Variants in FSIP1 observed in about 807,000 individuals in gnomAD.
The protein encoded by FSIP1 is fibrous sheath interacting protein 1, also known as fibrous sheath-interacting protein 1.
FSIP1 carries 65 observed loss-of-function variants against 60.9 expected under a neutral mutation model. The observed-to-expected ratio is 1.07, with a 90% confidence interval of 0.87 to 1.31. The LOEUF (loss-of-function observed/expected upper bound fraction) is 1.31, where lower values mean the gene tolerates loss of function less well. FSIP1 is among the 40% of genes most tolerant of loss of function. The pLI, the probability that FSIP1 is intolerant of heterozygous loss-of-function variation, is 0.00. For synonymous variants in FSIP1, 209 were observed against 221.2 expected (o/e 0.94, Z 0.49); for missense variants, 675 against 665.5 (o/e 1.01, Z -0.16).
chr15:39,774,312 A>G (rs980882821), intron 2 of FSIP1, among the ~76,000 whole-genome samples: 6 of 152,136 alleles, frequency 3.9e-5, no homozygotes, highest in Admixed American at 1.3e-4. Context: ...GTGAAACCCC[A>G]TATCTACTAA....
chr15:39,701,367 G>A (rs1344248889), intron 10 of FSIP1, among the ~76,000 whole-genome samples: 1 of 152,150 alleles, frequency 6.6e-6, no homozygotes, highest in Non-Finnish European at 1.5e-5. Flanking sequence ...TGCACATGTA[G>A]GTTGTGTGTG....
intron 5 of FSIP1, among the ~76,000 whole-genome samples, chr15:39,761,445 T>C (rs935813747): frequency 1.3e-5 from 2 of 152,198 alleles, no homozygotes; most frequent in East Asian, 1.9e-4. Context: ...TTAGAGGACA[T>C]TATGCCAAGC....
Position 39,713,431 on chromosome 15 carries a change from CA to C in FSIP1, c.1188+12del. 1 of 1,580,258 alleles carries C rather than the reference CA, an allele frequency of 6.3e-7. No homozygotes were observed. The highest frequency in any genetic ancestry group is 1.2e-5 in the South Asian group (1 of 84,694). Reference sequence around the variant, plus strand: ...TTTTCTTAAAAAAAATTAATTAAAACAAAAAGACTTACCACATTTTCCTTCA... The same window carrying C: ...TTTTCTTAAAAAAAATTAATTAAAACAAAAGACTTACCACATTTTCCTTCA... On this transcript the variant is annotated intron_variant, in intron 10 of 11. Transcript: ENST00000350221.
intron 10 of FSIP1, among the ~76,000 whole-genome samples, chr15:39,669,931 CT>C (rs1309920839): frequency 3.9e-5 from 6 of 152,210 alleles, no homozygotes; most frequent in African/African-American, 1.4e-4. Flanking sequence ...TAATTTAGTT[CT>C]CATATCAGAG....
rs774863237 is a variant in FSIP1 at position 39,726,600 on chromosome 15, G to A, written c.1039C>T (p.Arg347Trp). 26 of 1,613,954 alleles carry A rather than the reference G, an allele frequency of 1.6e-5. 1 individual carries two copies. Among genetic ancestry groups the A allele is most frequent in the African/African-American group, 4.0e-5 (3 of 75,004 alleles). Residue 347 changes from arginine to tryptophan, a missense_variant, in exon 9 of 12, where the codon CGG (arginine) becomes TGG (tryptophan). Physicochemically the swap from Arg to Trp is moderately radical, Grantham distance 101. Transcript: ENST00000350221. Reference protein sequence around the residue: ...ISSFSPRLENRNNQKPDRDGE... With the variant: ...ISSFSPRLENWNNQKPDRDGE... ...GGTTCTTCAAATACCTGATTATTCCGATTTTCAAGTCTTGGAGAAAAACTG... is the reference window on the plus strand; with the variant it reads ...GGTTCTTCAAATACCTGATTATTCCAATTTTCAAGTCTTGGAGAAAAACTG...
At position 39,610,303 on chromosome 15, in the gene FSIP1, C is replaced by T. The variant is rs117482369; in HGVS notation, c.1699+7432G>A. Among the ~76,000 whole-genome samples, 713 of 152,218 alleles carry T rather than the reference C, an allele frequency of 4.7e-3. 6 individuals carry two copies. The highest frequency in any genetic ancestry group is 0.01 in the Middle Eastern group (3 of 294). ...TCCAAAATTTGTGGAAATATGACAACATCCAGGTATAGAAAGCTCAGAGAT... is the reference window on the plus strand; with the variant it reads ...TCCAAAATTTGTGGAAATATGACAATATCCAGGTATAGAAAGCTCAGAGAT... On this transcript the variant is annotated intron_variant, in intron 11 of 11. Transcript: ENST00000350221.
chr15:39,775,635 T>C (rs1306473574), intron 2 of FSIP1, among the ~76,000 whole-genome samples: 2 of 152,200 alleles, frequency 1.3e-5, no homozygotes, highest in Non-Finnish European at 2.9e-5. Flanking sequence ...GGTAGGTGAC[T>C]GAATCATTGC....
Position 39,665,439 on chromosome 15 carries a change from C to T in FSIP1, c.1189-47194G>A, listed in dbSNP as rs146451231. On this transcript the variant is annotated intron_variant, in intron 10 of 11. Coordinates refer to ENST00000350221, the MANE Select transcript of FSIP1 (RefSeq NM_152597.5). ...GATAAAATACCTATTTAATAAATAA[C>T]AAAATATTACTTTTCTTTACTTGCA... 9.3e-3 allele frequency among the ~76,000 whole-genome samples: 1,411 copies of T among 152,196 alleles called. 28 individuals carry two copies. The highest frequency in any genetic ancestry group is 0.033 in the African/African-American group (1,358 of 41,524).
chr15:39,741,924 T>C (rs1896817714), intron 5 of FSIP1, 24 bp from the exon 6 acceptor site: 2 of 1,231,050 alleles, frequency 1.6e-6, no homozygotes, highest in African/African-American at 3.0e-5. Context: ...AAATCACTTG[T>C]TCAATGCTCA....
At chr15:39,698,267 A>G (rs528733171) in intron 10 of FSIP1, among the ~76,000 whole-genome samples, 4 of 151,548 alleles carry the variant, frequency 2.6e-5, no homozygotes, top group African/African-American at 9.7e-5. Context: ...TAGTGAGTTA[A>G]ATATAATTTC....
intron 10 of FSIP1, among the ~76,000 whole-genome samples, chr15:39,672,561 A>T (rs1196399454): frequency 6.6e-6 from 1 of 152,244 alleles, no homozygotes; most frequent in Non-Finnish European, 1.5e-5. Context: ...GGAAAATCAG[A>T]TCAGTGGCTT....
intron 10 of FSIP1, among the ~76,000 whole-genome samples, chr15:39,670,017 T>G (rs956520659): frequency 6.6e-6 from 1 of 152,198 alleles, no homozygotes; most frequent in Non-Finnish European, 1.5e-5. Context: ...TTTCTCTGCT[T>G]GCTTATAGCC....
At chr15:39,623,241 T>C (rs1316832698) in intron 10 of FSIP1, among the ~76,000 whole-genome samples, 1 of 152,206 alleles carries the variant, frequency 6.6e-6, no homozygotes, top group Non-Finnish European at 1.5e-5. Flanking sequence ...TCCAGTTAAT[T>C]GGGCAATGGA....
chr15:39,730,251 AG>A (rs2140607931), intron 8 of FSIP1, among the ~76,000 whole-genome samples: 1 of 152,272 alleles, frequency 6.6e-6, no homozygotes, highest in African/African-American at 2.4e-5. Context: ...ACATCCCCCT[AG>A]GATATCCACA....
chr15:39,692,107 C>G (rs1403855927), intron 10 of FSIP1, among the ~76,000 whole-genome samples: 1 of 151,992 alleles, frequency 6.6e-6, no homozygotes, highest in African/African-American at 2.4e-5. Context: ...TTATTAGGTG[C>G]TTTGTAATGT....
At chr15:39,700,467 A>G (rs1396106796) in intron 10 of FSIP1, among the ~76,000 whole-genome samples, 1 of 152,216 alleles carries the variant, frequency 6.6e-6, no homozygotes, top group Non-Finnish European at 1.5e-5. Flanking sequence ...GTTTGCATTG[A>G]ATTAAATCTG....
intron 10 of FSIP1, among the ~76,000 whole-genome samples, chr15:39,693,224 A>T (rs575934998): frequency 6.6e-6 from 1 of 152,360 alleles, no homozygotes; most frequent in African/African-American, 2.4e-5. Flanking sequence ...ATAGAGTTTC[A>T]CACCACGTAA....
At chr15:39,621,115 T>G (rs568444027) in intron 10 of FSIP1, among the ~76,000 whole-genome samples, 55 of 151,706 alleles carry the variant, frequency 3.6e-4, no homozygotes, top group South Asian at 1.0e-3. Context: ...AAAGCGAGTT[T>G]CTTTTATTTT....
chr15:39,657,696 A>G (rs906126957), intron 10 of FSIP1, among the ~76,000 whole-genome samples: 8 of 152,240 alleles, frequency 5.3e-5, no homozygotes, highest in African/African-American at 1.9e-4. Flanking sequence ...ACACATTGGT[A>G]GCACCCAGGA....
Sources: gnomAD v4.1 joint callset for allele counts (sites outside exome capture counted in the v4.1 genomes callset) on GRCh38, gnomAD v4.1.1 for gene constraint, MANE v1.5 for transcripts, NCBI Gene and HGNC (gene_info 2026-07-23, HGNC 2026-07-21) for gene names.